Variants in WRN observed in about 807,000 individuals in gnomAD.
WRN encodes bifunctional 3'-5' exonuclease/ATP-dependent helicase WRN.
In WRN, 149 loss-of-function variants were observed where a neutral mutation model predicts 180.7. That is an observed-to-expected ratio of 0.82 (90% CI 0.72 to 0.94). The LOEUF (loss-of-function observed/expected upper bound fraction) is 0.94, where lower values mean the gene tolerates loss of function less well. Ranked by LOEUF, WRN falls within the 40% of genes least tolerant of loss-of-function variation. The probability of loss-of-function intolerance (pLI) is 0.00; values close to 1 mark genes in which losing one functional copy is unlikely to be tolerated. For missense variants in WRN, 1,661 were observed against 1,700.1 expected (o/e 0.98, Z 0.40); for synonymous variants, 548 against 568.9 (o/e 0.96, Z 0.52).
intron 23 of WRN, among the ~76,000 whole-genome samples, chr8:31,125,537 G>GAGATATATATATATATATATATATAT (rs1365119717): frequency 6.3e-5 from 4 of 63,766 alleles, no homozygotes; most frequent in South Asian, 5.7e-4. Flanking sequence ...ATATTATGGA[G>GAGATATATATATATATATATATATAT]ATATATATAT....
At chr8:31,161,758 G>C (rs1301854853) in intron 33 of WRN, among the ~76,000 whole-genome samples, 1 of 143,236 alleles carries the variant, frequency 7.0e-6, no homozygotes, top group Non-Finnish European at 1.5e-5. Context: ...AGAATTGCTT[G>C]AACCCAGGAG....
Position 31,116,405 on chromosome 8 carries a change from A to T in WRN, c.2325A>T (p.Lys775Asn), listed in dbSNP as rs1488531575. 1 of 1,614,010 alleles carries T rather than the reference A, an allele frequency of 6.2e-7. No individual in the cohort carries two copies. Residue 775 changes from lysine to asparagine, a missense_variant, in exon 20 of 35, where the codon AAA becomes AAT. Coordinates refer to ENST00000298139, the MANE Select transcript of WRN (RefSeq NM_000553.6). ...GPTIIYCPSR[K>N]MTQQVTGELR... ...CAATCATCTACTGTCCTTCTAGAAA[A>T]ATGACACAACAAGTTACAGGTGAAC... is the stretch of plus-strand genomic sequence containing the variant.
Position 31,058,900 on chromosome 8 carries a change from A to G in WRN, c.97-253A>G, listed in dbSNP as rs11574176. On this transcript the variant is annotated intron_variant, in intron 2 of 34. Coordinates refer to ENST00000298139, the MANE Select transcript of WRN (RefSeq NM_000553.6). ...TAATACGAATATAATTACCAGAGAA[A>G]AAACTCAGGAAAATAAATGCTTTTA... is the stretch of plus-strand genomic sequence containing the variant. Among the ~76,000 whole-genome samples, 669 of 152,340 alleles carry G rather than the reference A, an allele frequency of 4.4e-3. 3 individuals are homozygous for G. Among genetic ancestry groups the G allele is most frequent in the Non-Finnish European group, 7.1e-3 (482 of 68,022 alleles).
chr8:31,129,574 TTAAAAA>T (rs1346732210), intron 23 of WRN, among the ~76,000 whole-genome samples: 5 of 151,932 alleles, frequency 3.3e-5, no homozygotes, highest in African/African-American at 1.2e-4. Flanking sequence ...CATTTGGAAA[TTAAAAA>T]TAACACTTAA....
chr8:31,077,397 C>G lies in WRN; in HGVS notation c.839+1110C>G, dbSNP rs558396929. 9.5e-3 allele frequency among the ~76,000 whole-genome samples: 1,252 copies of G among 132,332 alleles called. 16 individuals are homozygous for G. Among genetic ancestry groups the G allele is most frequent in the African/African-American group, 0.03 (1,181 of 39,420 alleles). 86.8% of individuals were successfully genotyped at this position (132,332 alleles called of 152,430 possible). A position where few individuals can be genotyped will look rare whatever the true frequency, so the allele number is the denominator to read the frequency against. On this transcript the variant is annotated intron_variant, in intron 8 of 34. Coordinates refer to ENST00000298139, the MANE Select transcript of WRN (RefSeq NM_000553.6). ...CTGGGACTACCGGCGCCCGCCACCC[C>G]ACCTGGCTAATTTTTTTTTTATTTT...
chr8:31,088,346 T>C (rs1342036397), intron 12 of WRN, among the ~76,000 whole-genome samples: 1 of 152,180 alleles, frequency 6.6e-6, no homozygotes, highest in Non-Finnish European at 1.5e-5. Flanking sequence ...AACTTCATTG[T>C]GCTGTGCAGT....
chr8:31,087,946 G>T lies in WRN; in HGVS notation c.1576+26G>T. The T allele has an allele frequency of 1.9e-6, 3 of 1,606,816 alleles. No individual in the cohort carries two copies. The South Asian group carries it at 3.3e-5, about 18-fold the overall frequency. The stretch of plus-strand genomic sequence containing the variant: ...GTAAGCACTGAAGTATGTTTGAAAT[G>T]ACTCACCTGTGATACCTACCACTGA... On this transcript the variant is annotated intron_variant, in intron 12 of 34. Transcript: ENST00000298139.
chr8:31,087,528 A>C, intron 11 of WRN: 1 of 391,176 alleles, frequency 2.6e-6, no homozygotes, highest in South Asian at 3.1e-5. Context: ...CCCCAGGGGC[A>C]GTTTATTATA....
At chr8:31,045,583 G>A (rs1811830842) in intron 1 of WRN, among the ~76,000 whole-genome samples, 1 of 151,986 alleles carries the variant, frequency 6.6e-6, no homozygotes, top group South Asian at 2.1e-4. Flanking sequence ...TGTATTTTTA[G>A]TAGAGATGGG....
rs1237323178 is a variant in WRN, at chr8:31,154,896, A to G, written c.3819+141A>G. 1.2e-5 allele frequency: 14 copies of G among 1,172,992 alleles called. No individual in the cohort carries two copies. The East Asian group carries it at 3.4e-4, about 28-fold the overall frequency. The allele number at this position is 1,172,992 out of a possible 1,614,324, so 72.7% of individuals were successfully genotyped here. ...AATCTCAGTTTATCTTTAATTTTAAAAGAGAATGTTGTTTTCTTTTTCTGT... is the reference window on the plus strand; with the variant it reads ...AATCTCAGTTTATCTTTAATTTTAAGAGAGAATGTTGTTTTCTTTTTCTGT... On this transcript the variant is annotated intron_variant, in intron 32 of 34. Coordinates refer to ENST00000298139, the MANE Select transcript of WRN (RefSeq NM_000553.6).
In WRN at chr8:31,173,238, T is replaced by G; in HGVS notation, c.*136T>G. 1 of 895,090 alleles carries G rather than the reference T, an allele frequency of 1.1e-6. No homozygotes were observed. Among genetic ancestry groups the G allele is most frequent in the African/African-American group, 1.7e-5 (1 of 59,938 alleles). 55.4% of individuals were successfully genotyped at this position (895,090 alleles called of 1,614,324 possible). On this transcript the variant is annotated 3_prime_UTR_variant, in exon 35 of 35. Coordinates refer to ENST00000298139, the MANE Select transcript of WRN (RefSeq NM_000553.6). Reference sequence around the variant, plus strand: ...CAAAGTTCACTGTTTATTGAAGAACTGGCATCTTAAATCAGCCTTCCGCAA... The same window carrying G: ...CAAAGTTCACTGTTTATTGAAGAACGGGCATCTTAAATCAGCCTTCCGCAA...
At position 31,150,461 on chromosome 8, in the gene WRN, A is replaced by G. The variant is rs754339879; in HGVS notation, c.3687+6A>G. 5.0e-6 allele frequency: 8 copies of G among 1,613,468 alleles called. No homozygotes were observed. The highest frequency in any genetic ancestry group is 6.8e-6 in the Non-Finnish European group (8 of 1,179,478). ...GCCAAACAAATAGTGTTCAGGTAAA[A>G]TACTGTGGTTTGCAGGAGCTCTTAG... On this transcript the variant is annotated splice_donor_region_variant and intron_variant, in intron 31 of 34. Transcript: ENST00000298139.
intron 34 of WRN, chr8:31,171,362 G>C (rs1488522736): frequency 6.6e-6 from 1 of 151,798 alleles, no homozygotes; most frequent in South Asian, 2.1e-4. Flanking sequence ...TAAAAAGTGG[G>C]CAAAGGACTT....
chr8:31,047,349 C>T (rs1157622099), intron 1 of WRN, among the ~76,000 whole-genome samples: 1 of 152,046 alleles, frequency 6.6e-6, no homozygotes, highest in Non-Finnish European at 1.5e-5. Context: ...GCCATGTTGC[C>T]TAGGCTGGAC....
At chr8:31,149,134 C>T (rs879405945) in intron 30 of WRN, among the ~76,000 whole-genome samples, 20 of 152,120 alleles carry the variant, frequency 1.3e-4, no homozygotes, top group Admixed American at 3.9e-4. Context: ...CTGTGGCTCA[C>T]GCTTGTAAAT....
Position 31,173,702 on chromosome 8 carries a change from T to TTA in WRN, c.*605_*606dup, listed in dbSNP as rs1804185049. 1 of 162,116 alleles carries TTA rather than the reference T, an allele frequency of 6.2e-6. No homozygotes were observed. The highest frequency in any genetic ancestry group is 1.3e-5 in the Non-Finnish European group (1 of 74,268). 10.0% of individuals were successfully genotyped at this position (162,116 alleles called of 1,614,324 possible). A position where few individuals can be genotyped will look rare whatever the true frequency, so the allele number is the denominator to read the frequency against. On this transcript the variant is annotated 3_prime_UTR_variant, in exon 35 of 35. Transcript: ENST00000298139. ...ACTAGGCAAGTGTATATTTTGTATT[T>TTA]TATATACAATTTCTATTATTTTTCA... is the stretch of plus-strand genomic sequence containing the variant.
chr8:31,150,309 T>TTTGTTG (rs560446016), intron 30 of WRN, 32 bp from the exon 31 acceptor site: 48 of 1,508,836 alleles, frequency 3.2e-5, no homozygotes, highest in East Asian at 1.4e-4. Context: ...TCTTGACCTT[T>TTTGTTG]TTGTTGTTGT....
chr8:31,167,880 C>T (rs572712155), intron 34 of WRN, among the ~76,000 whole-genome samples: 91 of 151,978 alleles, frequency 6.0e-4, no homozygotes, highest in Non-Finnish European at 9.9e-4. Flanking sequence ...ATTTGACCTT[C>T]GGTATCTTCC....
At chr8:31,063,178 A>T (rs1337794806) in intron 3 of WRN, among the ~76,000 whole-genome samples, 1 of 152,158 alleles carries the variant, frequency 6.6e-6, no homozygotes, top group Non-Finnish European at 1.5e-5. Flanking sequence ...ATGTCTGAAA[A>T]TATTATATAA....
Sources: gnomAD v4.1 joint callset for allele counts (sites outside exome capture counted in the v4.1 genomes callset) on GRCh38, gnomAD v4.1.1 for gene constraint, MANE v1.5 for transcripts, NCBI Gene and HGNC (gene_info 2026-07-23, HGNC 2026-07-21) for gene names.